The following MED14 variants were observed in gnomAD, a reference collection of about 807,000 sequenced individuals.
MED14 encodes mediator complex subunit 14, also known as mediator of RNA polymerase II transcription subunit 14.
MED14 carries 8 observed loss-of-function variants against 109.0 expected under a neutral mutation model. The observed-to-expected ratio is 0.07, with a 90% confidence interval of 0.04 to 0.13. MED14 has a LOEUF of 0.13. Among genes scored for constraint, MED14 ranks in the 10% least tolerant of loss-of-function variants. The pLI is 1.00. For synonymous variants in MED14, 399 were observed against 408.7 expected, an observed-to-expected ratio of 0.98 and a Z score of 0.29; for missense variants, 711 against 1,142.4, an observed-to-expected ratio of 0.62 and a Z score of 5.44.
At chrX:40,665,687 G>A (rs902787789) in intron 24 of MED14, among the ~76,000 whole-genome samples, 10 of 112,539 alleles carry the variant, frequency 8.9e-5, no homozygotes, top group African/African-American at 2.9e-4. Flanking sequence ...TGGCGATGAT[G>A]CAGGATAACA....
At chrX:40,691,123 A>G (rs1930485045) in intron 15 of MED14, among the ~76,000 whole-genome samples, 3 of 112,467 alleles carry the variant, frequency 2.7e-5, no homozygotes, top group Admixed American at 9.4e-5. Context: ...TCCTTTTTGG[A>G]AATACAAAAA....
intron 26 of MED14, among the ~76,000 whole-genome samples, chrX:40,662,347 C>G (rs1472355033): frequency 9.0e-6 from 1 of 111,366 alleles, no homozygotes; most frequent in Non-Finnish European, 1.9e-5. Flanking sequence ...CCTCCTGCCT[C>G]AACCTCCCAA....
chrX:40,716,119 A>T (rs146820812), intron 3 of MED14, among the ~76,000 whole-genome samples: 13 of 111,942 alleles, frequency 1.2e-4, no homozygotes, highest in African/African-American at 3.9e-4. Context: ...ATCATCAAGG[A>T]AATGTAAATA....
At chrX:40,651,918 C>A in intron 30 of MED14, 39 bp from the exon 31 acceptor site, 1 of 1,159,701 alleles carries the variant, frequency 8.6e-7, no homozygotes, top group Non-Finnish European at 1.2e-6. Flanking sequence ...ATTCACAACA[C>A]AGGAAAGATG....
chrX:40,727,453 A>G lies in MED14; in HGVS notation c.243-602T>C, dbSNP rs367957483. ...CATTAAAAAATATCCAAGCAAAGCT[A>G]AAGAAATTATGTTGAGTACTAAAAA... is the stretch of plus-strand genomic sequence containing the variant. On this transcript the variant is annotated intron_variant, in intron 2 of 30. Transcript: ENST00000324817. 2.4e-4 allele frequency among the ~76,000 whole-genome samples: 27 copies of G among 111,836 alleles called. No homozygotes were observed. The East Asian group carries it at 7.0e-3, about 29-fold the overall frequency.
intron 23 of MED14, among the ~76,000 whole-genome samples, 178 bp downstream of exon 23, chrX:40,671,683 T>G (rs1929734960): frequency 8.9e-6 from 1 of 111,952 alleles, no homozygotes; most frequent in East Asian, 2.8e-4. Context: ...CTCCCAAGCC[T>G]GGACACAGAT....
Position 40,697,062 on chromosome X carries a change from G to C in MED14, c.1612C>G (p.Leu538Val), listed in dbSNP as rs1200548956. The C allele has an allele frequency of 1.7e-6, 2 of 1,203,737 alleles. No individual in the cohort carries two copies. Among genetic ancestry groups the C allele is most frequent in the Non-Finnish European group, 2.3e-6 (2 of 888,852 alleles). The part of the protein sequence containing the change: ...HPIGNLSKNK[L>V]FIKLTRLPQY... Reference sequence around the variant, plus strand: ...GGAAGGCGGGTAAGTTTAATGAACAGTTTATTCTTAGAAAGGTTTCCAATA... The same window carrying C: ...GGAAGGCGGGTAAGTTTAATGAACACTTTATTCTTAGAAAGGTTTCCAATA... The change falls in exon 13 of 31, where the codon CTG becomes GTG. Residue 538 changes from leucine to valine, a missense_variant. Around this residue, in one of 8 missense-constraint regions of MED14, gnomAD observed 388 missense variants for 517.3 expected, o/e 0.75. Transcript: ENST00000324817.
At position 40,650,534 on chromosome X, in the gene MED14, C is replaced by T. The variant is rs777405643; in HGVS notation, c.*1272G>A. 1.7e-5 allele frequency: 13 copies of T among 752,214 alleles called. No individual in the cohort carries two copies. Among genetic ancestry groups the T allele is most frequent in the Middle Eastern group, 7.6e-4 (1 of 1,322 alleles). 62.0% of individuals were successfully genotyped at this position (752,214 alleles called of 1,213,427 possible). A position where few individuals can be genotyped will look rare whatever the true frequency, so the allele number is the denominator to read the frequency against. ...AAATTTTTCCTAAATACCATGAAGTCGGTAGAAGACCTTTGCATCAGACCA... is the reference window on the plus strand; with the variant it reads ...AAATTTTTCCTAAATACCATGAAGTTGGTAGAAGACCTTTGCATCAGACCA... On this transcript the variant is annotated 3_prime_UTR_variant, in exon 31 of 31. Coordinates refer to ENST00000324817, the MANE Select transcript of MED14 (RefSeq NM_004229.4).
intron 10 of MED14, among the ~76,000 whole-genome samples, chrX:40,703,979 A>G: frequency 8.9e-6 from 1 of 112,411 alleles, no homozygotes; most frequent in East Asian, 2.8e-4. Context: ...AACAGAATAA[A>G]TATCTTCTAT....
At chrX:40,692,077 C>T (rs1930535803) in intron 15 of MED14, 106 bp downstream of exon 15, 1 of 737,713 alleles carries the variant, frequency 1.4e-6, no homozygotes. Flanking sequence ...TGAACAGGAT[C>T]ACAAACATTC....
At chrX:40,679,626 T>C (rs1930042119) in intron 21 of MED14, among the ~76,000 whole-genome samples, 1 of 112,421 alleles carries the variant, frequency 8.9e-6, no homozygotes, top group South Asian at 3.7e-4. Flanking sequence ...TTCACCCTAC[T>C]GATCAGAAGG....
intron 10 of MED14, 69 bp from the exon 11 acceptor site, chrX:40,703,638 A>G: frequency 1.1e-6 from 1 of 900,791 alleles, no homozygotes; most frequent in Non-Finnish European, 1.5e-6. Context: ...TTCTCAATCA[A>G]TGAGTACAAA....
chrX:40,735,832 G>C (rs750101217), upstream of MED14: 6 of 318,269 alleles, frequency 1.9e-5, no homozygotes, highest in Non-Finnish European at 3.0e-5. Context: ...CGCAGCGCTG[G>C]GGGGCGCGTG....
intron 22 of MED14, 152 bp downstream of exon 22, chrX:40,675,069 C>T (rs1031524426): frequency 4.8e-5 from 21 of 441,538 alleles, no homozygotes; most frequent in South Asian, 4.7e-4. Context: ...GAAGTCTCCT[C>T]GCCTCCTTCT....
intron 30 of MED14, chrX:40,654,157 A>C (rs775179986): frequency 2.5e-6 from 1 of 408,145 alleles, no homozygotes; most frequent in East Asian, 3.9e-5. Context: ...AAGTCCAGGC[A>C]GCAGAGAAAT....
In MED14 at chrX:40,649,840, G is replaced by A. The variant is rs188097804; in HGVS notation, c.*1966C>T. 81 of 787,554 alleles carry A rather than the reference G, an allele frequency of 1.0e-4. No homozygotes were observed. The East Asian group carries it at 2.5e-3, about 24-fold the overall frequency. 64.9% of individuals were successfully genotyped at this position (787,554 alleles called of 1,213,427 possible). On this transcript the variant is annotated 3_prime_UTR_variant, in exon 31 of 31. Transcript: ENST00000324817. The stretch of plus-strand genomic sequence containing the variant: ...AATAAGCATCAAAAGCAAATTTTGC[G>A]CACTGAATCCTATCTTACTCTTGAT...
chrX:40,733,506 A>G (rs1158606442), intron 1 of MED14, among the ~76,000 whole-genome samples: 1 of 112,104 alleles, frequency 8.9e-6, no homozygotes, highest in Non-Finnish European at 1.9e-5. Flanking sequence ...AGAAGAAACT[A>G]TAGAAGGGGC....
intron 23 of MED14, among the ~76,000 whole-genome samples, chrX:40,668,025 C>A (rs1929569425): frequency 9.0e-6 from 1 of 111,317 alleles, no homozygotes; most frequent in Non-Finnish European, 1.9e-5. Flanking sequence ...TAGTTTTGGC[C>A]ATGCTGAGTT....
Position 40,651,114 on chromosome X carries a change from G to T in MED14, c.*692C>A, listed in dbSNP as rs138130295. ...ACTAGTCAAGTTAGGAATGTCTGAA[G>T]AAAATATATTAACCTTGACATAAAG... is the stretch of plus-strand genomic sequence containing the variant. On this transcript the variant is annotated 3_prime_UTR_variant, in exon 31 of 31. Transcript: ENST00000324817. The T allele has an allele frequency of 5.7e-4, 425 of 747,324 alleles. 1 individual carries two copies. The highest frequency in any genetic ancestry group is 6.5e-4 in the Non-Finnish European group (413 of 634,285). The allele number at this position is 747,324 out of a possible 1,213,427, so 61.6% of individuals were successfully genotyped here.
Sources: allele counts gnomAD v4.1 joint callset (sites outside exome capture counted in the v4.1 genomes callset), GRCh38; gene constraint gnomAD v4.1.1; regional missense constraint gnomAD v4.1.1; transcripts MANE v1.5; gene names NCBI Gene and HGNC (gene_info 2026-07-23, HGNC 2026-07-21).